Variants in SENP7 observed in about 807,000 individuals in gnomAD.
SENP7 encodes sentrin-specific protease 7.
In SENP7, 64 loss-of-function variants were observed where a neutral mutation model predicts 141.2. That is an observed-to-expected ratio of 0.45 (90% CI 0.37 to 0.56). SENP7 has a LOEUF of 0.56. Ranked by LOEUF, SENP7 falls within the 20% of genes least tolerant of loss-of-function variation. The pLI, the probability that SENP7 is intolerant of heterozygous loss-of-function variation, is 0.00. For synonymous variants in SENP7, 382 were observed against 426.4 expected, an observed-to-expected ratio of 0.90 and a Z score of 1.28; for missense variants, 1,025 against 1,212.2, an observed-to-expected ratio of 0.85 and a Z score of 2.29.
At chr3:101,396,863 G>A (rs988531440) in intron 6 of SENP7, among the ~76,000 whole-genome samples, 8 of 152,092 alleles carry the variant, frequency 5.3e-5, no homozygotes, top group Non-Finnish European at 7.4e-5. Context: ...TGTTTTTTGA[G>A]ATGAAATTTT....
chr3:101,441,874 C>A (rs2062688556), intron 4 of SENP7, among the ~76,000 whole-genome samples: 1 of 152,140 alleles, frequency 6.6e-6, no homozygotes, highest in Non-Finnish European at 1.5e-5. Flanking sequence ...GCTGACGAGT[C>A]TGAAAATTTT....
chr3:101,329,775 T>TAAAAAAAAAAA (rs762298259), intron 20 of SENP7, among the ~76,000 whole-genome samples: 1 of 100,472 alleles, frequency 1.0e-5, no homozygotes, highest in Non-Finnish European at 2.0e-5. Context: ...CCATCTCTAC[T>TAAAAAAAAAAA]AAAAAAAAAA....
At chr3:101,360,037 C>G (rs1316846705) in intron 11 of SENP7, among the ~76,000 whole-genome samples, 4 of 151,972 alleles carry the variant, frequency 2.6e-5, no homozygotes, top group Admixed American at 2.6e-4. Context: ...AAGAACTCAA[C>G]AGAAATAACT....
intron 1 of SENP7, among the ~76,000 whole-genome samples, chr3:101,503,503 T>C (rs1462501936): frequency 2.0e-5 from 3 of 152,232 alleles, no homozygotes; most frequent in African/African-American, 7.2e-5. Flanking sequence ...GAAAACTGTA[T>C]AGCAATAAAA....
intron 6 of SENP7, among the ~76,000 whole-genome samples, chr3:101,395,973 T>C (rs2060957399): frequency 6.6e-6 from 1 of 152,364 alleles, no homozygotes; most frequent in Admixed American, 6.5e-5. Context: ...TCCTTATATC[T>C]GCACACTAAC....
chr3:101,331,852 T>A (rs1040164813), intron 19 of SENP7, 133 bp downstream of exon 19: 8 of 879,838 alleles, frequency 9.1e-6, no homozygotes, highest in Admixed American at 2.8e-5. Context: ...AAATTTCAGA[T>A]TTTTTATTCA....
intron 5 of SENP7, among the ~76,000 whole-genome samples, chr3:101,410,322 G>A (rs1366361063): frequency 2.6e-5 from 4 of 152,148 alleles, no homozygotes; most frequent in African/African-American, 7.2e-5. Flanking sequence ...TTTCTACACT[G>A]CTGGTGGGAA....
At chr3:101,410,132 A>AATAGACAATTCTCAAAGAAG (rs2061413328) in intron 5 of SENP7, among the ~76,000 whole-genome samples, 1 of 152,228 alleles carries the variant, frequency 6.6e-6, no homozygotes, top group Non-Finnish European at 1.5e-5. Context: ...TAAGGATATG[A>AATAGACAATTCTCAAAGAAG]ATAGACAATT....
At chr3:101,505,558 ATTTTTT>A (rs1186162046) in intron 1 of SENP7, among the ~76,000 whole-genome samples, 1 of 152,014 alleles carries the variant, frequency 6.6e-6, no homozygotes, top group Admixed American at 6.6e-5. Context: ...AAAATTTACA[ATTTTTT>A]TATAGCTGAC....
intron 11 of SENP7, among the ~76,000 whole-genome samples, chr3:101,353,931 T>C (rs2059672884): frequency 1.3e-5 from 2 of 151,972 alleles, no homozygotes; most frequent in Admixed American, 1.3e-4. Context: ...TTAATTTAAT[T>C]CTCTAATATC....
chr3:101,476,071 T>C (rs1235353201), intron 3 of SENP7, among the ~76,000 whole-genome samples: 1 of 152,186 alleles, frequency 6.6e-6, no homozygotes, highest in Non-Finnish European at 1.5e-5. Context: ...ACATTCTCCA[T>C]ATGTTAGGCC....
chr3:101,398,486 C>G (rs532661238), intron 6 of SENP7, among the ~76,000 whole-genome samples: 1 of 152,080 alleles, frequency 6.6e-6, no homozygotes, highest in African/African-American at 2.4e-5. Context: ...AACAAAATAA[C>G]AGACAAGACT....
At position 101,347,539 on chromosome 3, in the gene SENP7, G is replaced by A. The variant is rs13323535; in HGVS notation, c.1837+333C>T. ...AGATCGAGACCATCCTGGCTAACAC[G>A]ATGAAACCCCGTCTCTACTAAAAAT... is the stretch of plus-strand genomic sequence containing the variant. On this transcript the variant is annotated intron_variant, in intron 13 of 23. Coordinates refer to ENST00000394095, the MANE Select transcript of SENP7 (RefSeq NM_020654.5). 804 of 155,432 alleles carry A rather than the reference G, an allele frequency of 5.2e-3. 7 individuals carry two copies. Among genetic ancestry groups the A allele is most frequent in the African/African-American group, 0.019 (770 of 41,526 alleles). 9.6% of individuals were successfully genotyped at this position (155,432 alleles called of 1,614,324 possible).
At chr3:101,494,480 A>G (rs1171086279) in intron 2 of SENP7, among the ~76,000 whole-genome samples, 2 of 151,754 alleles carry the variant, frequency 1.3e-5, no homozygotes, top group African/African-American at 4.8e-5. Context: ...TACTCTTCCC[A>G]CAATCTAGAA....
At chr3:101,470,896 T>A (rs1260210191) in intron 3 of SENP7, among the ~76,000 whole-genome samples, 2 of 152,170 alleles carry the variant, frequency 1.3e-5, no homozygotes, top group African/African-American at 4.8e-5. Context: ...GAACTCCCAT[T>A]CACAATTGCT....
chr3:101,433,907 GACTTAATCCACACTATAGACCAAA>G, intron 4 of SENP7, among the ~76,000 whole-genome samples: 1 of 152,108 alleles, frequency 6.6e-6, no homozygotes, highest in South Asian at 2.1e-4. Flanking sequence ...ACAAACATCA[GACTTAATCCACACTATAGACCAAA>G]TGGATCTAAT....
intron 4 of SENP7, among the ~76,000 whole-genome samples, chr3:101,448,922 T>G (rs1030805513): frequency 6.6e-6 from 1 of 151,918 alleles, no homozygotes; most frequent in African/African-American, 2.4e-5. Context: ...AAGATCAAAC[T>G]ACTCCGAGCT....
In SENP7 at chr3:101,458,966, T is replaced by C; in HGVS notation, c.273A>G (p.Ser91=). Reference sequence around the variant, plus strand: ...CACACATATCTTACCTTTCTGGTGATGACTTGGAAGTAACAGGACACCCTC... The same window carrying C: ...CACACATATCTTACCTTTCTGGTGACGACTTGGAAGTAACAGGACACCCTC... The part of the protein sequence containing the change: ...HIRGCPVTSK[S]SPERQLKVML... The change falls in exon 4 of 24, where the codon TCA becomes TCG. Residue 91 remains serine, a synonymous_variant. Transcript: ENST00000394095. The C allele has an allele frequency of 6.2e-7, 1 of 1,600,802 alleles. No homozygotes were observed. The highest frequency in any genetic ancestry group is 1.3e-5 in the African/African-American group (1 of 74,582).
At chr3:101,345,113 T>C (rs934776926) in intron 13 of SENP7, among the ~76,000 whole-genome samples, 2 of 151,814 alleles carry the variant, frequency 1.3e-5, no homozygotes, top group African/African-American at 4.8e-5. Flanking sequence ...TTTTGGTGAC[T>C]ATGGCCTTAT....
Sources: allele counts gnomAD v4.1 joint callset (sites outside exome capture counted in the v4.1 genomes callset), GRCh38; gene constraint gnomAD v4.1.1; transcripts MANE v1.5; gene names NCBI Gene and HGNC (gene_info 2026-07-23, HGNC 2026-07-21).